Variants in C8orf34 observed in about 807,000 individuals in gnomAD.
C8orf34 encodes uncharacterized protein C8orf34.
A neutral mutation model predicts 68.3 loss-of-function variants in C8orf34; 65 were observed. That is an observed-to-expected ratio of 0.95 (90% confidence interval 0.78 to 1.17). The LOEUF (loss-of-function observed/expected upper bound fraction) is 1.17. Ranked by LOEUF, C8orf34 falls within the 50% of genes most tolerant of loss-of-function variation. The pLI, the probability that C8orf34 is intolerant of heterozygous loss-of-function variation, is 0.00. For synonymous variants in C8orf34, 244 were observed against 241.2 expected, an observed-to-expected ratio of 1.01 and a Z score of -0.11; for missense variants, 664 against 655.4, an observed-to-expected ratio of 1.01 and a Z score of -0.14.
At chr8:68,763,465 C>T (rs1474520397) in intron 10 of C8orf34, among the ~76,000 whole-genome samples, 1 of 152,084 alleles carries the variant, frequency 6.6e-6, no homozygotes, top group African/African-American at 2.4e-5. Flanking sequence ...TTCTATTCTA[C>T]CTTCAGTTTA....
intron 3 of C8orf34, among the ~76,000 whole-genome samples, chr8:68,465,237 A>C (rs1812061004): frequency 6.6e-6 from 1 of 152,016 alleles, no homozygotes; most frequent in Non-Finnish European, 1.5e-5. Context: ...AATGCAAATC[A>C]AAACTACAAT....
intron 7 of C8orf34, among the ~76,000 whole-genome samples, chr8:68,568,506 A>G (rs1816667281): frequency 6.6e-6 from 1 of 152,156 alleles, no homozygotes; most frequent in African/African-American, 2.4e-5. Flanking sequence ...ATGCTGTTGG[A>G]AAAATGCTGC....
chr8:68,347,882 T>C (rs1181312514), intron 1 of C8orf34, among the ~76,000 whole-genome samples: 2 of 152,170 alleles, frequency 1.3e-5, no homozygotes, highest in East Asian at 1.9e-4. Flanking sequence ...ATGCATAATT[T>C]TGAAATATTT....
chr8:68,600,214 T>A (rs1212940444), intron 7 of C8orf34, among the ~76,000 whole-genome samples: 1 of 152,128 alleles, frequency 6.6e-6, no homozygotes, highest in Admixed American at 6.6e-5. Context: ...ATTGATGTTT[T>A]ACCACTTTGA....
chr8:68,646,090 C>A (rs977860554), intron 8 of C8orf34, among the ~76,000 whole-genome samples: 40 of 152,100 alleles, frequency 2.6e-4, no homozygotes, highest in Non-Finnish European at 5.3e-4. Context: ...TTAGTTAATA[C>A]ATCTGTTATG....
intron 1 of C8orf34, among the ~76,000 whole-genome samples, chr8:68,415,240 G>A (rs1809615857): frequency 6.6e-6 from 1 of 152,172 alleles, no homozygotes; most frequent in South Asian, 2.1e-4. Flanking sequence ...CAGCACTTTG[G>A]GAGGCCAGGC....
chr8:68,531,354 A>G (rs1815237278), intron 6 of C8orf34, among the ~76,000 whole-genome samples: 1 of 152,080 alleles, frequency 6.6e-6, no homozygotes, highest in Non-Finnish European at 1.5e-5. Flanking sequence ...AAATCTTTTT[A>G]GTCTTCTATA....
chr8:68,574,621 C>CAT (rs1378547853), intron 7 of C8orf34, among the ~76,000 whole-genome samples: 24 of 152,116 alleles, frequency 1.6e-4, no homozygotes, highest in Non-Finnish European at 3.1e-4. Context: ...CATAATAGGA[C>CAT]ACTAGTTGCT....
At chr8:68,479,602 G>T (rs942382582) in intron 4 of C8orf34, among the ~76,000 whole-genome samples, 1 of 152,162 alleles carries the variant, frequency 6.6e-6, no homozygotes, top group Non-Finnish European at 1.5e-5. Context: ...AAAACAAATG[G>T]ATATAAGTGC....
rs538877068 is a variant in C8orf34 at position 68,397,049 on chromosome 8, C to T, written c.328-42450C>T. Among the ~76,000 whole-genome samples, 12 of 151,948 alleles carry T rather than the reference C, an allele frequency of 7.9e-5. No individual in the cohort carries two copies. The East Asian group carries it at 1.9e-3, about 25-fold the overall frequency. On this transcript the variant is annotated intron_variant, in intron 1 of 13. Coordinates refer to ENST00000518698, the MANE Select transcript of C8orf34 (RefSeq NM_052958.4). ...TGAGGTAGAGTCTCACTCTGTTGCT[C>T]AGGCTGGAGTGCAGTGGCACGATCT...
In C8orf34 at chr8:68,754,153, GTTTA is replaced by G. The variant is rs1264585639; in HGVS notation, c.1405-22245_1405-22242del. 1.7e-3 allele frequency among the ~76,000 whole-genome samples: 261 copies of G among 152,238 alleles called. 4 individuals are homozygous for G. The highest frequency in any genetic ancestry group is 6.0e-3 in the African/African-American group (250 of 41,540). On this transcript the variant is annotated intron_variant, in intron 10 of 13. Transcript: ENST00000518698. The stretch of plus-strand genomic sequence containing the variant: ...CGGGAGCAATTTAGTTCAACAAAGT[GTTTA>G]AAAAATGCAGAGCTACATGGATCAC...
At chr8:68,764,330 G>A (rs1278837518) in intron 10 of C8orf34, among the ~76,000 whole-genome samples, 1 of 152,344 alleles carries the variant, frequency 6.6e-6, no homozygotes, top group East Asian at 1.9e-4. Flanking sequence ...TACAGTTTAT[G>A]TGATAGTTTG....
At chr8:68,356,235 T>G (rs814441) in intron 1 of C8orf34, among the ~76,000 whole-genome samples, 83,189 of 152,016 alleles carry the variant, frequency 0.55, 22,876 homozygotes, top group Non-Finnish European at 0.57. Flanking sequence ...TCTTAGCAGT[T>G]TATGGGAGAC....
chr8:68,340,787 G>GT (rs1806037892), intron 1 of C8orf34, among the ~76,000 whole-genome samples: 1 of 152,108 alleles, frequency 6.6e-6, no homozygotes, highest in South Asian at 2.1e-4. Context: ...ATACTTCCCA[G>GT]TTTATTTTAT....
chr8:68,583,857 G>T lies in C8orf34; in HGVS notation c.1105+50708G>T, dbSNP rs552361174. ...GGGAGAATTAAAATAGACGTCATGGGACTGCTGCATGAACACTGTCACCTA... is the reference window on the plus strand; with the variant it reads ...GGGAGAATTAAAATAGACGTCATGGTACTGCTGCATGAACACTGTCACCTA... On this transcript the variant is annotated intron_variant, in intron 7 of 13. Coordinates refer to ENST00000518698, the MANE Select transcript of C8orf34 (RefSeq NM_052958.4). Among the ~76,000 whole-genome samples, 155 of 152,042 alleles carry T rather than the reference G, an allele frequency of 1.0e-3. 1 individual carries two copies. The highest frequency in any genetic ancestry group is 3.6e-3 in the African/African-American group (148 of 41,486).
intron 9 of C8orf34, among the ~76,000 whole-genome samples, chr8:68,715,302 C>A (rs957943011): frequency 1.3e-5 from 2 of 152,090 alleles, no homozygotes; most frequent in Non-Finnish European, 2.9e-5. Flanking sequence ...AGCTTCTGCA[C>A]AGCCAAAGAA....
intron 12 of C8orf34, among the ~76,000 whole-genome samples, chr8:68,812,093 A>C (rs1290413089): frequency 6.6e-6 from 1 of 152,200 alleles, no homozygotes; most frequent in African/African-American, 2.4e-5. Context: ...ATATAAAGAA[A>C]CTGAAGCAGT....
intron 10 of C8orf34, among the ~76,000 whole-genome samples, chr8:68,758,838 C>T (rs1054887507): frequency 3.3e-5 from 5 of 149,800 alleles, no homozygotes; most frequent in Non-Finnish European, 5.9e-5. Flanking sequence ...CTAAATGGTC[C>T]GGACTTTCCT....
intron 1 of C8orf34, among the ~76,000 whole-genome samples, chr8:68,349,596 A>T (rs1245431697): frequency 6.6e-6 from 1 of 151,854 alleles, no homozygotes; most frequent in Non-Finnish European, 1.5e-5. Context: ...TTGTGTTTCT[A>T]TCAGGGTCCA....
Sources: gnomAD v4.1 joint callset for allele counts (sites outside exome capture counted in the v4.1 genomes callset) on GRCh38, gnomAD v4.1.1 for gene constraint, MANE v1.5 for transcripts, NCBI Gene and HGNC (gene_info 2026-07-23, HGNC 2026-07-21) for gene names.